The following PRKD1 variants were observed in gnomAD, a reference collection of about 807,000 sequenced individuals.
PRKD1 encodes the protein protein kinase D1.
PRKD1 carries 63 observed loss-of-function variants against 95.9 expected under a neutral mutation model. That is an observed-to-expected ratio of 0.66 (90% confidence interval 0.54 to 0.81). The LOEUF (loss-of-function observed/expected upper bound fraction) is 0.81, where lower values mean the gene tolerates loss of function less well. Among genes scored for constraint, PRKD1 ranks in the 30% least tolerant of loss-of-function variants. The pLI, the probability that PRKD1 is intolerant of heterozygous loss-of-function variation, is 0.00. For missense variants in PRKD1, 1,048 were observed against 1,165.3 expected, an observed-to-expected ratio of 0.90 and a Z score of 1.47; for synonymous variants, 425 against 423.1, an observed-to-expected ratio of 1.00 and a Z score of -0.05.
At chr14:29,737,561 G>T (rs1033910194) in intron 1 of PRKD1, among the ~76,000 whole-genome samples, 3 of 152,090 alleles carry the variant, frequency 2.0e-5, no homozygotes, top group African/African-American at 2.4e-5. Context: ...AATGAGCAAA[G>T]AAATTTAAAA....
At chr14:29,824,611 C>T (rs1004701676) in intron 1 of PRKD1, among the ~76,000 whole-genome samples, 2 of 152,206 alleles carry the variant, frequency 1.3e-5, no homozygotes, top group South Asian at 4.1e-4. Context: ...GTCAAATGAT[C>T]TTTCAAAAAT....
At chr14:29,669,125 T>C (rs1882695111) in intron 2 of PRKD1, among the ~76,000 whole-genome samples, 1 of 152,202 alleles carries the variant, frequency 6.6e-6, no homozygotes, top group Non-Finnish European at 1.5e-5. Flanking sequence ...GTAACATGCA[T>C]TATTATCTTA....
At chr14:29,843,518 G>A (rs1216535258) in intron 1 of PRKD1, among the ~76,000 whole-genome samples, 1 of 152,178 alleles carries the variant, frequency 6.6e-6, no homozygotes, top group Non-Finnish European at 1.5e-5. Context: ...TAAAGTTAGA[G>A]ATTCTTTTAC....
chr14:29,624,218 G>T lies in PRKD1; in HGVS notation c.1839C>A (p.Ile613=). 1 of 1,605,362 alleles carries T rather than the reference G, an allele frequency of 6.2e-7. No individual in the cohort carries two copies. The highest frequency in any genetic ancestry group is 8.5e-7 in the Non-Finnish European group (1 of 1,175,548). Residue 613 remains isoleucine (I), a synonymous_variant, in exon 13 of 18, where the codon ATC becomes ATA. Coordinates refer to ENST00000331968, the MANE Select transcript of PRKD1 (RefSeq NM_002742.3). ...RKTGRDVAIK[I]IDKLRFPTKQ... is the part of the protein sequence containing the mutation. Reference sequence around the variant, plus strand: ...TTGTTGGAAATCGTAATTTGTCAATGATTTTAATAGCTACATCTCTTCCTG... The same window carrying T: ...TTGTTGGAAATCGTAATTTGTCAATTATTTTAATAGCTACATCTCTTCCTG...
Position 29,629,088 on chromosome 14 carries a change from T to C in PRKD1, c.1678A>G (p.Ile560Val), listed in dbSNP as rs1453068140. ...VGTGTNLHRD[I>V]SVSISVSNCQ... Reference sequence around the variant, plus strand: ...TTTGATACTGAAATACTCACAGAGATATCTCCTGGAAATGCATGTAAAACA... The same window carrying C: ...TTTGATACTGAAATACTCACAGAGACATCTCCTGGAAATGCATGTAAAACA... Residue 560 changes from isoleucine to valine, a missense_variant, in exon 11 of 18, where the codon ATC becomes GTC. Coordinates refer to ENST00000331968, the MANE Select transcript of PRKD1 (RefSeq NM_002742.3). The C allele has an allele frequency of 1.9e-6, 3 of 1,608,146 alleles. No homozygotes were observed. Among genetic ancestry groups the C allele is most frequent in the East Asian group, 4.5e-5 (2 of 44,390 alleles).
rs1890187941 is a variant in PRKD1 at position 29,805,239 on chromosome 14, G to A, written c.265-79565C>T. Among the ~76,000 whole-genome samples, 7 of 152,146 alleles carry A rather than the reference G, an allele frequency of 4.6e-5. No individual in the cohort carries two copies. In the South Asian group the frequency reaches 1.4e-3, roughly 32 times the overall value. ...CAAGATGTTGAACTCCATTAGATTG[G>A]TCGGGGGAAGAAGTAAAAATCACAC... On this transcript the variant is annotated intron_variant, in intron 1 of 17. Coordinates refer to ENST00000331968, the MANE Select transcript of PRKD1 (RefSeq NM_002742.3).
intron 16 of PRKD1, among the ~76,000 whole-genome samples, chr14:29,588,282 C>T (rs2138977362): frequency 6.6e-6 from 1 of 152,270 alleles, no homozygotes; most frequent in East Asian, 1.9e-4. Context: ...CTACTTCCAA[C>T]TTAAGTGTTT....
intron 1 of PRKD1, among the ~76,000 whole-genome samples, chr14:29,734,660 G>A (rs1034725246): frequency 6.6e-6 from 1 of 152,082 alleles, no homozygotes; most frequent in African/African-American, 2.4e-5. Context: ...GAGAGCCCTA[G>A]GAAGTGGTCA....
At chr14:29,798,541 C>T (rs1235124332) in intron 1 of PRKD1, among the ~76,000 whole-genome samples, 1 of 152,150 alleles carries the variant, frequency 6.6e-6, no homozygotes, top group Non-Finnish European at 1.5e-5. Flanking sequence ...TAATTCTCTC[C>T]AAGTCAGTGT....
At chr14:29,759,212 A>G (rs1887855716) in intron 1 of PRKD1, among the ~76,000 whole-genome samples, 1 of 152,134 alleles carries the variant, frequency 6.6e-6, no homozygotes, top group Non-Finnish European at 1.5e-5. Context: ...ATAGGCAGTG[A>G]GTGCTAGTAA....
chr14:29,860,324 A>C (rs912091694), intron 1 of PRKD1, among the ~76,000 whole-genome samples: 2 of 152,224 alleles, frequency 1.3e-5, no homozygotes, highest in Admixed American at 1.3e-4. Context: ...TTTCTGAAAG[A>C]ATGAAATCCA....
chr14:29,898,070 T>G (rs78038915), intron 1 of PRKD1, among the ~76,000 whole-genome samples: 9,881 of 152,176 alleles, frequency 0.065, 395 homozygotes, highest in South Asian at 0.11. Flanking sequence ...TTAGAAATTT[T>G]TTGAATTTAG....
At chr14:29,699,440 G>A (rs1367775194) in intron 2 of PRKD1, among the ~76,000 whole-genome samples, 1 of 151,856 alleles carries the variant, frequency 6.6e-6, no homozygotes, top group Non-Finnish European at 1.5e-5. Flanking sequence ...TCTTCCATTT[G>A]TATTCACATA....
chr14:29,739,255 G>A (rs1425468502), intron 1 of PRKD1, among the ~76,000 whole-genome samples: 1 of 152,116 alleles, frequency 6.6e-6, no homozygotes, highest in African/African-American at 2.4e-5. Flanking sequence ...ACACTGTATT[G>A]ACAAAATAAC....
intron 2 of PRKD1, among the ~76,000 whole-genome samples, chr14:29,697,021 G>GT (rs1206323252): frequency 6.6e-6 from 1 of 151,964 alleles, no homozygotes; most frequent in East Asian, 1.9e-4. Flanking sequence ...CTGGAGTCCA[G>GT]TTTTTTATGT....
intron 1 of PRKD1, among the ~76,000 whole-genome samples, chr14:29,813,040 G>T (rs2139248172): frequency 6.6e-6 from 1 of 152,282 alleles, no homozygotes; most frequent in South Asian, 2.1e-4. Context: ...AACCTGGGAG[G>T]TGGAGGTTGC....
chr14:29,670,040 C>T (rs574370113), intron 2 of PRKD1, among the ~76,000 whole-genome samples: 42 of 152,158 alleles, frequency 2.8e-4, no homozygotes, highest in Non-Finnish European at 5.1e-4. Flanking sequence ...GGCCCCAATA[C>T]ACTTCTGTAA....
intron 1 of PRKD1, among the ~76,000 whole-genome samples, chr14:29,756,795 A>G (rs1054820550): frequency 2.6e-5 from 4 of 152,250 alleles, no homozygotes; most frequent in African/African-American, 9.6e-5. Context: ...ATTGGGGAAT[A>G]CAGTGTTTCA....
At chr14:29,585,354 T>C (rs1201303467) in intron 16 of PRKD1, among the ~76,000 whole-genome samples, 3 of 152,174 alleles carry the variant, frequency 2.0e-5, no homozygotes, top group Non-Finnish European at 4.4e-5. Flanking sequence ...GTGCAAGACC[T>C]TTAGAGACTC....
Sources: gnomAD v4.1 joint callset for allele counts (sites outside exome capture counted in the v4.1 genomes callset) on GRCh38, gnomAD v4.1.1 for gene constraint, MANE v1.5 for transcripts, NCBI Gene and HGNC (gene_info 2026-07-23, HGNC 2026-07-21) for gene names.